The following LRRK2 variants were observed in gnomAD, a reference collection of about 807,000 sequenced individuals.
LRRK2 encodes leucine-rich repeat serine/threonine-protein kinase 2.
Under a neutral mutation model 302.6 loss-of-function variants are expected in LRRK2, and 203 were observed. The observed-to-expected ratio is 0.67, with a 90% CI of 0.60 to 0.75. The LOEUF is 0.75. Ranked by LOEUF, LRRK2 falls within the 30% of genes least tolerant of loss-of-function variation. The pLI, the probability that LRRK2 is intolerant of heterozygous loss-of-function variation, is 0.00. For missense variants in LRRK2, 2,830 were observed against 2,951.0 expected, an observed-to-expected ratio of 0.96 and a Z score of 0.95; for synonymous variants, 1,066 against 1,031.9, an observed-to-expected ratio of 1.03 and a Z score of -0.63.
intron 18 of LRRK2, among the ~76,000 whole-genome samples, chr12:40,283,068 G>A (rs1339336399): frequency 6.6e-6 from 1 of 152,104 alleles, no homozygotes. Flanking sequence ...GAAATCATGT[G>A]TGTACAGAAT....
Position 40,322,517 on chromosome 12 carries a change from T to C in LRRK2, c.5509+7T>C. 1.2e-6 allele frequency: 2 copies of C among 1,611,568 alleles called. No homozygotes were observed. The highest frequency in any genetic ancestry group is 1.7e-6 in the Non-Finnish European group (2 of 1,178,180). ...ATGAAGAAAGCAGAGGAAGGTATGT[T>C]TTGATACAACTTACAAATGCTTTTA... is the stretch of plus-strand genomic sequence containing the variant. On this transcript the variant is annotated splice_region_variant and intron_variant, in intron 37 of 50. Transcript: ENST00000298910.
At chr12:40,362,685 T>A (rs950787115) in intron 47 of LRRK2, among the ~76,000 whole-genome samples, 6 of 152,066 alleles carry the variant, frequency 3.9e-5, no homozygotes, top group Non-Finnish European at 5.9e-5. Flanking sequence ...TTTAAGTTCA[T>A]CCTCAAAGGC....
chr12:40,275,790 T>G (rs548954295), intron 16 of LRRK2, among the ~76,000 whole-genome samples: 1 of 152,108 alleles, frequency 6.6e-6, no homozygotes, highest in East Asian at 1.9e-4. Flanking sequence ...TTTGTATTTT[T>G]TGTAGAGATG....
At chr12:40,366,812 G>A in intron 49 of LRRK2, 194 bp from the exon 50 acceptor site, 1 of 509,370 alleles carries the variant, frequency 2.0e-6, no homozygotes, top group Non-Finnish European at 3.6e-6. Context: ...AGCAAGGAGT[G>A]GATCACAGAT....
intron 25 of LRRK2, chr12:40,301,054 G>A: frequency 2.2e-6 from 1 of 459,436 alleles, no homozygotes; most frequent in East Asian, 6.9e-5. Context: ...TTTTTTGTGT[G>A]ATGCTTACAG....
rs530978719 is a variant in LRRK2, at chr12:40,272,603, T to A, written c.1657-1980T>A. ...TATGACTTGAAGTCATATTAGTGTATGAAATCCCATCCATGAATAGAAGAC... is the reference window on the plus strand; with the variant it reads ...TATGACTTGAAGTCATATTAGTGTAAGAAATCCCATCCATGAATAGAAGAC... On this transcript the variant is annotated intron_variant, in intron 14 of 50. Transcript: ENST00000298910. Among the ~76,000 whole-genome samples, 7 of 152,248 alleles carry A rather than the reference T, an allele frequency of 4.6e-5. No individual in the cohort carries two copies. The South Asian group carries it at 6.2e-4, about 14-fold the overall frequency.
Position 40,225,601 on chromosome 12 carries a change from C to T in LRRK2, c.198C>T (p.Ile66=). The change falls in exon 2 of 51, where the codon ATC becomes ATT. Residue 66 remains isoleucine, a synonymous_variant. Coordinates refer to ENST00000298910, the MANE Select transcript of LRRK2 (RefSeq NM_198578.4). ...AAAATATCCATGTGCCTCTGTTGAT[C>T]GTCTTGGACTCCTATATGAGAGTCG... is the stretch of plus-strand genomic sequence containing the variant. ...QGKNIHVPLL[I]VLDSYMRVAS... 1 of 1,614,086 alleles carries T rather than the reference C, an allele frequency of 6.2e-7. No individual in the cohort carries two copies. Among genetic ancestry groups the T allele is most frequent in the East Asian group, 2.2e-5 (1 of 44,868 alleles).
In LRRK2 at chr12:40,308,277, T is replaced by C. The variant is rs186269497; in HGVS notation, c.3960-190T>C. 6.6e-5 allele frequency among the ~76,000 whole-genome samples: 10 copies of C among 152,256 alleles called. No individual in the cohort carries two copies. The East Asian group carries it at 1.9e-3, about 29-fold the overall frequency. On this transcript the variant is annotated intron_variant, in intron 28 of 50. Transcript: ENST00000298910. ...GGTGATTTTACCAAACATTATCAAC[T>C]ACCCTAAAATCTCTAGCAAAATATA... is the stretch of plus-strand genomic sequence containing the variant.
chr12:40,333,900 A>G (rs1212383624), intron 39 of LRRK2, among the ~76,000 whole-genome samples: 2 of 152,090 alleles, frequency 1.3e-5, no homozygotes, highest in Non-Finnish European at 2.9e-5. Context: ...ATGAATGCCA[A>G]TGTGGCTGAA....
chr12:40,269,005 G>T (rs1478308482), intron 14 of LRRK2, among the ~76,000 whole-genome samples: 2 of 152,114 alleles, frequency 1.3e-5, no homozygotes, highest in Non-Finnish European at 2.9e-5. Flanking sequence ...GAGATTTAAA[G>T]TCTATAATGA....
In LRRK2 at chr12:40,298,503, A is replaced by T; in HGVS notation, c.3347+10A>T. 1 of 1,613,812 alleles carries T rather than the reference A, an allele frequency of 6.2e-7. No homozygotes were observed. Among genetic ancestry groups the T allele is most frequent in the Non-Finnish European group, 8.5e-7 (1 of 1,179,924 alleles). ...AGCTCATTTTAGAAGGGTAAGAAAG[A>T]GCTCATTAAAAATAAAAGGGTTGCC... On this transcript the variant is annotated intron_variant, in intron 24 of 50. Transcript: ENST00000298910.
Position 40,368,007 on chromosome 12 carries a change from A to C in LRRK2, c.*242A>C, listed in dbSNP as rs1026370668. On this transcript the variant is annotated 3_prime_UTR_variant, in exon 51 of 51. Transcript: ENST00000298910. Reference sequence around the variant, plus strand: ...TAAATACCAGTTACTTTCGTTCATTAATTAATGAAAATAAATCTGTGAAGT... The same window carrying C: ...TAAATACCAGTTACTTTCGTTCATTCATTAATGAAAATAAATCTGTGAAGT... 4 of 249,608 alleles carry C rather than the reference A, an allele frequency of 1.6e-5. No individual in the cohort carries two copies. Among genetic ancestry groups the C allele is most frequent in the Non-Finnish European group, 3.0e-5 (4 of 131,308 alleles). The allele number at this position is 249,608 out of a possible 1,614,324, so 15.5% of individuals were successfully genotyped here.
rs775723588 is a variant in LRRK2, at chr12:40,346,849, C to T, written c.6206C>T (p.Thr2069Ile). ...FGLLLYDILT[T>I]GGRIVEGLKF... ...TTACTACTCTATGACATTTTGACAA[C>T]TGGAGGTAGAATAGTAGAGGGTTTG... is the stretch of plus-strand genomic sequence containing the variant. The change falls in exon 42 of 51, where the codon ACT becomes ATT. Residue 2069 changes from threonine (T) to isoleucine (I), a missense_variant. By Grantham distance (89) the Thr-to-Ile change is moderately conservative (BLOSUM62 -1). Around this residue, in one of 3 missense-constraint regions of LRRK2, gnomAD observed 253 missense variants for 346.7 expected, o/e 0.73. Transcript: ENST00000298910. 1 of 1,613,732 alleles carries T rather than the reference C, an allele frequency of 6.2e-7. No homozygotes were observed. Among genetic ancestry groups the T allele is most frequent in the African/African-American group, 1.3e-5 (1 of 75,020 alleles).
At chr12:40,307,577 T>C (rs1944868331) in intron 28 of LRRK2, among the ~76,000 whole-genome samples, 1 of 151,910 alleles carries the variant, frequency 6.6e-6, no homozygotes, top group African/African-American at 2.4e-5. Flanking sequence ...TACTATTATA[T>C]GCATATGTGA....
At chr12:40,286,505 C>G (rs1467789538) in intron 19 of LRRK2, 3 of 151,762 alleles carry the variant, frequency 2.0e-5, no homozygotes, top group African/African-American at 7.3e-5. Context: ...CTACTGTTGT[C>G]AAAGTCTTTT....
At chr12:40,360,406 T>G (rs771971599) in intron 47 of LRRK2, among the ~76,000 whole-genome samples, 4 of 152,030 alleles carry the variant, frequency 2.6e-5, no homozygotes, top group Non-Finnish European at 4.4e-5. Flanking sequence ...CTCCTTTGTT[T>G]TTTGCTCCCT....
intron 5 of LRRK2, among the ~76,000 whole-genome samples, chr12:40,240,007 G>C (rs1941655988): frequency 6.6e-6 from 1 of 152,096 alleles, no homozygotes; most frequent in Admixed American, 6.6e-5. Context: ...AAACCACTAA[G>C]ACAGAGTATT....
chr12:40,315,063 G>T, intron 32 of LRRK2, 149 bp from the exon 33 acceptor site: 1 of 700,910 alleles, frequency 1.4e-6, no homozygotes, highest in South Asian at 1.5e-5. Context: ...TAGACCATAG[G>T]ATGCACAGCT....
At chr12:40,307,950 T>G (rs1024068443) in intron 28 of LRRK2, among the ~76,000 whole-genome samples, 2 of 151,876 alleles carry the variant, frequency 1.3e-5, no homozygotes, top group African/African-American at 4.8e-5. Flanking sequence ...CCCGGCTACT[T>G]TTTGGATTTT....
Sources: allele counts gnomAD v4.1 joint callset (sites outside exome capture counted in the v4.1 genomes callset), GRCh38; gene constraint gnomAD v4.1.1; regional missense constraint gnomAD v4.1.1; transcripts MANE v1.5; gene names NCBI Gene and HGNC (gene_info 2026-07-23, HGNC 2026-07-21).